Variants in RGS7 observed in about 807,000 individuals in gnomAD.
RGS7 encodes regulator of G-protein signaling 7.
A neutral mutation model predicts 81.1 loss-of-function variants in RGS7; 27 were observed. That is an observed-to-expected ratio of 0.33 (90% CI 0.25 to 0.46). The LOEUF (loss-of-function observed/expected upper bound fraction) is 0.46, where lower values mean the gene tolerates loss of function less well. RGS7 is among the 20% of genes least tolerant of loss of function. The pLI is 1.00. For synonymous variants in RGS7, 208 were observed against 207.7 expected (o/e 1.00, Z -0.01); for missense variants, 396 against 607.4 (o/e 0.65, Z 3.66).
At chr1:240,953,113 T>C (rs1406311810) in intron 4 of RGS7, among the ~76,000 whole-genome samples, 1 of 151,880 alleles carries the variant, frequency 6.6e-6, no homozygotes, top group Non-Finnish European at 1.5e-5. Flanking sequence ...ATAAACTCAT[T>C]ATTACAGTTA....
At chr1:241,315,107 CTTTTTTTTTT>C (rs5782184) in intron 2 of RGS7, among the ~76,000 whole-genome samples, 22 of 57,442 alleles carry the variant, frequency 3.8e-4, no homozygotes, top group African/African-American at 2.3e-4. Flanking sequence ...TCTTCTTCTT[CTTTTTTTTTT>C]TTTTTTTTTT....
chr1:241,032,494 T>C (rs1422813510), intron 3 of RGS7, among the ~76,000 whole-genome samples: 4 of 152,226 alleles, frequency 2.6e-5, no homozygotes, highest in Non-Finnish European at 5.9e-5. Context: ...TTTAGAATTG[T>C]TTTTTCTAAT....
intron 4 of RGS7, among the ~76,000 whole-genome samples, chr1:240,981,525 A>T (rs1436541339): frequency 6.6e-6 from 1 of 152,136 alleles, no homozygotes; most frequent in African/African-American, 2.4e-5. Context: ...TCTATTTTTT[A>T]GCACTGGGAT....
intron 2 of RGS7, among the ~76,000 whole-genome samples, chr1:241,122,699 G>T (rs567331923): frequency 5.4e-5 from 8 of 149,178 alleles, no homozygotes; most frequent in Non-Finnish European, 7.4e-5. Context: ...CTAACCTACC[G>T]AACATCATAG....
chr1:241,284,439 T>C (rs1308017985), intron 2 of RGS7, among the ~76,000 whole-genome samples: 2 of 152,058 alleles, frequency 1.3e-5, no homozygotes, highest in Non-Finnish European at 2.9e-5. Context: ...TGTTCAATGA[T>C]ACCAGAGTGG....
chr1:241,283,109 G>T (rs1344213250), intron 2 of RGS7, among the ~76,000 whole-genome samples: 1 of 152,000 alleles, frequency 6.6e-6, no homozygotes, highest in Non-Finnish European at 1.5e-5. Context: ...TCTTAAATAT[G>T]TCCTTTATAT....
chr1:240,870,727 C>T (rs923493860), intron 6 of RGS7, among the ~76,000 whole-genome samples: 6 of 152,098 alleles, frequency 3.9e-5, no homozygotes, highest in African/African-American at 1.4e-4. Flanking sequence ...AAAAGGGTCA[C>T]CAAATGAACT....
chr1:240,785,993 G>C (rs536041061), intron 18 of RGS7, among the ~76,000 whole-genome samples: 17 of 152,270 alleles, frequency 1.1e-4, no homozygotes, highest in African/African-American at 4.1e-4. Flanking sequence ...CATATTTAAT[G>C]TTGAATGCTG....
chr1:241,186,975 C>A (rs984054325), intron 2 of RGS7, among the ~76,000 whole-genome samples: 4 of 152,112 alleles, frequency 2.6e-5, no homozygotes, highest in African/African-American at 9.7e-5. Flanking sequence ...TCATATTATT[C>A]TCATAGAAAC....
intron 2 of RGS7, among the ~76,000 whole-genome samples, chr1:241,235,128 A>G (rs879573037): frequency 1.3e-5 from 2 of 152,236 alleles, no homozygotes; most frequent in Non-Finnish European, 1.5e-5. Context: ...GTAATTGACT[A>G]TAATAATAGA....
At chr1:241,259,871 A>G (rs2077243121) in intron 2 of RGS7, among the ~76,000 whole-genome samples, 1 of 151,672 alleles carries the variant, frequency 6.6e-6, no homozygotes, top group Non-Finnish European at 1.5e-5. Context: ...AAAATTATAA[A>G]ATATTAGTAG....
intron 6 of RGS7, among the ~76,000 whole-genome samples, chr1:240,870,646 A>C (rs1286636134): frequency 2.6e-5 from 4 of 152,204 alleles, no homozygotes; most frequent in Non-Finnish European, 5.9e-5. Flanking sequence ...TAATCATTTA[A>C]AAATTTTTAT....
chr1:241,287,956 G>T (rs1247154616), intron 2 of RGS7, among the ~76,000 whole-genome samples: 3 of 152,288 alleles, frequency 2.0e-5, no homozygotes, highest in African/African-American at 4.8e-5. Context: ...ACTTTAGCTT[G>T]CTGACAGGTA....
At chr1:240,807,512 A>T (rs1689071088) in intron 14 of RGS7, among the ~76,000 whole-genome samples, 1 of 152,202 alleles carries the variant, frequency 6.6e-6, no homozygotes, top group Non-Finnish European at 1.5e-5. Flanking sequence ...AATAATCAGA[A>T]ATCAGTAATG....
chr1:241,212,642 T>G (rs964191273), intron 2 of RGS7, among the ~76,000 whole-genome samples: 3 of 152,152 alleles, frequency 2.0e-5, no homozygotes, highest in Admixed American at 6.6e-5. Flanking sequence ...TCAGGGACCT[T>G]GGATATCATT....
At chr1:241,322,423 C>T (rs1445466116) in intron 2 of RGS7, among the ~76,000 whole-genome samples, 3 of 152,336 alleles carry the variant, frequency 2.0e-5, no homozygotes, top group Admixed American at 1.3e-4. Context: ...TATATATTCA[C>T]TCTTTAACTG....
chr1:240,810,268 C>T (rs1935575), intron 14 of RGS7, among the ~76,000 whole-genome samples: 2 of 151,732 alleles, frequency 1.3e-5, no homozygotes, highest in Non-Finnish European at 2.9e-5. Context: ...TGAGAGAAGG[C>T]GATGTTTTTA....
At chr1:241,233,031 G>T (rs569098099) in intron 2 of RGS7, among the ~76,000 whole-genome samples, 108 of 152,146 alleles carry the variant, frequency 7.1e-4, no homozygotes, top group African/African-American at 2.4e-3. Flanking sequence ...ACATGAAAAG[G>T]GTTCCATAAT....
chr1:241,195,476 A>AAAATAAATAAAT (rs59191728), intron 2 of RGS7, among the ~76,000 whole-genome samples: 6 of 151,908 alleles, frequency 3.9e-5, no homozygotes, highest in African/African-American at 1.5e-4. Context: ...GACTCCATCT[A>AAAATAAATAAAT]AAATAAATAA....
Sources: allele counts gnomAD v4.1 joint callset (sites outside exome capture counted in the v4.1 genomes callset), GRCh38; gene constraint gnomAD v4.1.1; transcripts MANE v1.5; gene names NCBI Gene and HGNC (gene_info 2026-07-23, HGNC 2026-07-21).